PIGL: variants seen among roughly 807,000 people sequenced by gnomAD.
PIGL encodes the protein N-acetylglucosaminyl-phosphatidylinositol de-N-acetylase.
PIGL carries 22 observed loss-of-function variants against 31.1 expected under a neutral mutation model. The observed-to-expected ratio is 0.71, with a 90% CI of 0.51 to 1.01. PIGL has a LOEUF of 1.01. PIGL is among the 50% of genes least tolerant of loss of function. The pLI is 0.00. For synonymous variants in PIGL, 131 were observed against 117.4 expected (o/e 1.12, Z -0.75); for missense variants, 302 against 315.9 (o/e 0.96, Z 0.33).
At chr17:16,251,370 C>A (rs2092770773) in intron 2 of PIGL, among the ~76,000 whole-genome samples, 1 of 151,232 alleles carries the variant, frequency 6.6e-6, no homozygotes, top group Non-Finnish European at 1.5e-5. Flanking sequence ...TTGCAGTGAG[C>A]CTTGATCACG....
chr17:16,232,975 C>G (rs178785), intron 1 of PIGL, among the ~76,000 whole-genome samples: 91,344 of 151,798 alleles, frequency 0.6, 29,330 homozygotes, highest in African/African-American at 0.84. Flanking sequence ...AAAATTAGCC[C>G]GGTGTGGTGG....
intron 2 of PIGL, among the ~76,000 whole-genome samples, chr17:16,274,494 G>A (rs1192533425): frequency 3.3e-5 from 5 of 152,088 alleles, no homozygotes; most frequent in Non-Finnish European, 4.4e-5. Flanking sequence ...AGGCCGAGGC[G>A]GGTGGATCAC....
chr17:16,270,492 T>G (rs1179034192), intron 2 of PIGL, among the ~76,000 whole-genome samples: 3 of 151,968 alleles, frequency 2.0e-5, no homozygotes, highest in Non-Finnish European at 4.4e-5. Context: ...ATCCCACAAT[T>G]AATTTCAAAT....
intron 6 of PIGL, among the ~76,000 whole-genome samples, chr17:16,324,858 GT>G (rs2093120522): frequency 2.0e-5 from 3 of 152,072 alleles, no homozygotes; most frequent in Admixed American, 2.0e-4. Flanking sequence ...ACAAGATAAT[GT>G]ACATTTCCCC....
At chr17:16,289,989 T>C (rs2092953517) in intron 2 of PIGL, among the ~76,000 whole-genome samples, 1 of 152,132 alleles carries the variant, frequency 6.6e-6, no homozygotes, top group South Asian at 2.1e-4. Context: ...TTGGTCAGGC[T>C]GGTCTCAAAC....
rs1406211636 is a variant in PIGL at position 16,317,833 on chromosome 17, G to T, written c.585G>T (p.Leu195=). The T allele has an allele frequency of 6.2e-7, 1 of 1,614,142 alleles. No individual in the cohort carries two copies. ...TGCTGCGCAAGTACATCTCCCTTCT[G>T]GATCTGCCCTTGTCTCTGCTTCATA... is the stretch of plus-strand genomic sequence containing the variant. ...VNVLRKYISL[L]DLPLSLLHTQ... The change falls in exon 6 of 7, where the codon CTG becomes CTT. Residue 195 remains leucine, a synonymous_variant. Coordinates refer to ENST00000225609, the MANE Select transcript of PIGL (RefSeq NM_004278.4).
At chr17:16,284,727 C>T (rs1489031076) in intron 2 of PIGL, among the ~76,000 whole-genome samples, 1 of 152,178 alleles carries the variant, frequency 6.6e-6, no homozygotes, top group Non-Finnish European at 1.5e-5. Context: ...GCACTCCTCA[C>T]TAACTGGCTT....
intron 1 of PIGL, among the ~76,000 whole-genome samples, chr17:16,232,891 G>A (rs868549294): frequency 1.4e-4 from 21 of 152,190 alleles, no homozygotes; most frequent in Admixed American, 4.6e-4. Flanking sequence ...AGGCTGAGGC[G>A]GATGGATCAC....
intron 1 of PIGL, among the ~76,000 whole-genome samples, chr17:16,228,678 A>G (rs191168078): frequency 1.6e-4 from 24 of 152,314 alleles, no homozygotes; most frequent in South Asian, 4.1e-4. Flanking sequence ...GTAAGCCACC[A>G]CGCCCGGCGA....
intron 1 of PIGL, among the ~76,000 whole-genome samples, chr17:16,228,454 C>T (rs1229083551): frequency 6.6e-6 from 1 of 151,852 alleles, no homozygotes; most frequent in Non-Finnish European, 1.5e-5. Flanking sequence ...GCGCGATGTA[C>T]GCTCACTGCA....
At chr17:16,323,025 T>C (rs763141678) in intron 6 of PIGL, among the ~76,000 whole-genome samples, 3 of 152,206 alleles carry the variant, frequency 2.0e-5, no homozygotes, top group Non-Finnish European at 4.4e-5. Flanking sequence ...CAACAACATG[T>C]ATTTCATATG....
intron 2 of PIGL, among the ~76,000 whole-genome samples, chr17:16,273,210 A>C (rs1163170873): frequency 6.6e-6 from 1 of 152,234 alleles, no homozygotes; most frequent in South Asian, 2.1e-4. Context: ...CCATGGACTC[A>C]GATGCAGGAG....
intron 2 of PIGL, chr17:16,282,002 G>A (rs746778830): frequency 1.8e-5 from 9 of 509,238 alleles, no homozygotes; most frequent in Non-Finnish European, 3.3e-5. Context: ...CTGTCCATGG[G>A]GGCACTGCTA....
intron 2 of PIGL, among the ~76,000 whole-genome samples, chr17:16,245,327 G>A (rs62072552): frequency 1.3e-5 from 2 of 151,346 alleles, no homozygotes; most frequent in Non-Finnish European, 2.9e-5. Flanking sequence ...GGATTTTGCC[G>A]TGTTGGCCAG....
intron 3 of PIGL, chr17:16,312,891 A>G (rs6502499): frequency 0.54 from 76,538 of 140,528 alleles, 20,976 homozygotes; most frequent in African/African-American, 0.61. Flanking sequence ...GCTTCGGCTC[A>G]GCATCAGAAG....
intron 2 of PIGL, among the ~76,000 whole-genome samples, chr17:16,275,206 G>T (rs2092889803): frequency 6.6e-6 from 1 of 152,172 alleles, no homozygotes; most frequent in Non-Finnish European, 1.5e-5. Context: ...AGAACTGAGG[G>T]TTCCTCCCAT....
chr17:16,217,324 A>T lies in PIGL; in HGVS notation c.98A>T (p.Gln33Leu). 6.2e-7 allele frequency: 1 copy of T among 1,614,206 alleles called. No homozygotes were observed. Among genetic ancestry groups the T allele is most frequent in the Non-Finnish European group, 8.5e-7 (1 of 1,180,044 alleles). Residue 33 changes from glutamine (Q) to leucine (L), a missense_variant, in exon 1 of 7, where the codon CAG becomes CTG. By Grantham distance (113) the Gln-to-Leu change is moderately radical. Coordinates refer to ENST00000225609, the MANE Select transcript of PIGL (RefSeq NM_004278.4). ...DSSERMKSREQGGRLGAESRT... is the reference protein window; with the variant it reads ...DSSERMKSRELGGRLGAESRT... ...TCAGAACGAATGAAGAGTCGGGAGC[A>T]GGGAGGACGGCTGGGAGCCGAAAGC...
chr17:16,256,321 G>A (rs1023013246), intron 2 of PIGL, among the ~76,000 whole-genome samples: 2 of 151,334 alleles, frequency 1.3e-5, no homozygotes, highest in African/African-American at 4.9e-5. Context: ...ATATAATATT[G>A]AGGGTTTTTT....
At position 16,317,555 on chromosome 17, in the gene PIGL, G is replaced by A. The variant is rs2093083270; in HGVS notation, c.527-220G>A. On this transcript the variant is annotated intron_variant, in intron 5 of 6. Coordinates refer to ENST00000225609, the MANE Select transcript of PIGL (RefSeq NM_004278.4). ...CCTTTTTCTGGTAGGGCACACCGCA[G>A]GGTAGAGGGTAGCCAGCCAGGTCTT... 23 of 1,336,372 alleles carry A rather than the reference G, an allele frequency of 1.7e-5. No homozygotes were observed. In the South Asian group the frequency reaches 4.3e-4, roughly 25 times the overall value. 82.8% of individuals were successfully genotyped at this position (1,336,372 alleles called of 1,614,324 possible). A position where few individuals can be genotyped will look rare whatever the true frequency, so the allele number is the denominator to read the frequency against.
Sources: gnomAD v4.1 joint callset for allele counts (sites outside exome capture counted in the v4.1 genomes callset) on GRCh38, gnomAD v4.1.1 for gene constraint, MANE v1.5 for transcripts, NCBI Gene and HGNC (gene_info 2026-07-23, HGNC 2026-07-21) for gene names.